The following DGKI variants were observed in gnomAD, a reference collection of about 807,000 sequenced individuals.
DGKI encodes DAG kinase iota.
In DGKI, 55 loss-of-function variants were observed where a neutral mutation model predicts 147.5. The observed-to-expected ratio is 0.37, with a 90% CI of 0.30 to 0.47. The LOEUF is 0.47. Among genes scored for constraint, DGKI ranks in the 20% least tolerant of loss-of-function variants. The pLI is 1.00. For synonymous variants in DGKI, 469 were observed against 477.1 expected, an observed-to-expected ratio of 0.98 and a Z score of 0.22; for missense variants, 1,007 against 1,323.8, an observed-to-expected ratio of 0.76 and a Z score of 3.71.
chr7:137,623,802 A>G (rs1038438386), intron 6 of DGKI, among the ~76,000 whole-genome samples: 6 of 152,196 alleles, frequency 3.9e-5, no homozygotes, highest in Non-Finnish European at 8.8e-5. Context: ...TAGACCACCT[A>G]CTACTCAAAG....
intron 5 of DGKI, among the ~76,000 whole-genome samples, chr7:137,653,158 G>A (rs564864757): frequency 1.6e-4 from 24 of 152,324 alleles, no homozygotes; most frequent in African/African-American, 4.8e-4. Flanking sequence ...GCGCGTGCGC[G>A]CACTTAGCAG....
At chr7:137,444,272 A>G (rs1019645649) in intron 27 of DGKI, among the ~76,000 whole-genome samples, 170 bp from the exon 28 acceptor site, 2 of 152,080 alleles carry the variant, frequency 1.3e-5, no homozygotes, top group Admixed American at 6.6e-5. Context: ...ACAATTCCCA[A>G]CTCTTACCTG....
intron 23 of DGKI, among the ~76,000 whole-genome samples, chr7:137,472,331 A>ATATG (rs1814978354): frequency 3.9e-4 from 1 of 2,556 alleles, no homozygotes; most frequent in African/African-American, 5.5e-4. Context: ...TATTATATGT[A>ATATG]TATATACATA....
intron 17 of DGKI, 91 bp downstream of exon 17, chr7:137,577,130 CA>C: frequency 1.1e-6 from 1 of 871,508 alleles, no homozygotes; most frequent in East Asian, 2.7e-5. Flanking sequence ...CTATGCAGTC[CA>C]GTGATTCAAT....
intron 3 of DGKI, among the ~76,000 whole-genome samples, chr7:137,667,915 C>A (rs1469855824): frequency 6.6e-6 from 1 of 152,154 alleles, no homozygotes; most frequent in Non-Finnish European, 1.5e-5. Context: ...TGCCAGGAGG[C>A]TAGCTGTGTA....
At position 137,384,297 on chromosome 7, in the gene DGKI, G is replaced by A. The variant is rs887737115; in HGVS notation, c.*6923C>T. 4 of 151,904 alleles carry A rather than the reference G, an allele frequency of 2.6e-5. No individual in the cohort carries two copies. Among genetic ancestry groups the A allele is most frequent in the Non-Finnish European group, 5.9e-5 (4 of 67,916 alleles). The allele number at this position is 151,904 out of a possible 1,614,324, so 9.4% of individuals were successfully genotyped here. A position where few individuals can be genotyped will look rare whatever the true frequency, so the allele number is the denominator to read the frequency against. ...TTAGACTTTTCTTTGCTTGAACTAT[G>A]TACAAGCTGACAAGCCTCTCTCCGA... is the stretch of plus-strand genomic sequence containing the variant. On this transcript the variant is annotated 3_prime_UTR_variant, in exon 33 of 33. Transcript: ENST00000614521.
At chr7:137,573,960 G>T (rs116440148) in intron 17 of DGKI, among the ~76,000 whole-genome samples, 1 of 152,332 alleles carries the variant, frequency 6.6e-6, no homozygotes, top group East Asian at 1.9e-4. Flanking sequence ...TGTCAAAGGC[G>T]TAAAGCCTGC....
At chr7:137,698,574 C>A (rs1368961771) in intron 1 of DGKI, among the ~76,000 whole-genome samples, 1 of 152,126 alleles carries the variant, frequency 6.6e-6, no homozygotes, top group Non-Finnish European at 1.5e-5. Context: ...GTGTCAGAGA[C>A]AATACCTCGG....
At chr7:137,793,462 G>A (rs369792219) in intron 1 of DGKI, among the ~76,000 whole-genome samples, 13 of 152,054 alleles carry the variant, frequency 8.5e-5, no homozygotes, top group Non-Finnish European at 1.3e-4. Context: ...CACCATGCCC[G>A]GCTAATTTTT....
At chr7:137,625,216 T>C (rs1820890487) in intron 6 of DGKI, among the ~76,000 whole-genome samples, 1 of 151,948 alleles carries the variant, frequency 6.6e-6, no homozygotes, top group African/African-American at 2.4e-5. Context: ...TCCCAGCACT[T>C]TGGGAGGCTG....
intron 1 of DGKI, among the ~76,000 whole-genome samples, chr7:137,759,827 C>A (rs1795801350): frequency 1.3e-5 from 2 of 152,070 alleles, no homozygotes; most frequent in South Asian, 4.2e-4. Context: ...TCGTCCCTCC[C>A]TCCCTCACAC....
chr7:137,395,457 T>G, intron 32 of DGKI, 141 bp downstream of exon 32: 5 of 681,514 alleles, frequency 7.3e-6, no homozygotes, highest in Non-Finnish European at 1.3e-5. Flanking sequence ...AATGAAGCAC[T>G]CTATTTTTTC....
intron 28 of DGKI, among the ~76,000 whole-genome samples, chr7:137,414,064 AT>A (rs1293930516): frequency 6.6e-6 from 1 of 152,238 alleles, no homozygotes; most frequent in Non-Finnish European, 1.5e-5. Flanking sequence ...GTAGTCTCTC[AT>A]ACAGAGTTAG....
At chr7:137,613,388 T>C (rs963606933) in intron 8 of DGKI, among the ~76,000 whole-genome samples, 1 of 152,042 alleles carries the variant, frequency 6.6e-6, no homozygotes, top group Admixed American at 6.6e-5. Context: ...GAAAACTTAT[T>C]CCAAAAGTTA....
intron 1 of DGKI, among the ~76,000 whole-genome samples, chr7:137,759,526 G>T (rs1795792155): frequency 6.6e-6 from 1 of 151,966 alleles, no homozygotes; most frequent in Admixed American, 6.6e-5. Context: ...ATTTTTAGTA[G>T]AGACGGGGTT....
intron 1 of DGKI, among the ~76,000 whole-genome samples, chr7:137,751,866 C>T (rs971982689): frequency 3.3e-5 from 5 of 151,966 alleles, no homozygotes; most frequent in African/African-American, 1.2e-4. Context: ...TTGCAATCAA[C>T]CTCAGAACCA....
chr7:137,798,829 G>A (rs1797111171), intron 1 of DGKI, among the ~76,000 whole-genome samples: 1 of 152,134 alleles, frequency 6.6e-6, no homozygotes, highest in African/African-American at 2.4e-5. Context: ...CCCTAGGAGT[G>A]CAAGGTTAGT....
chr7:137,405,129 C>T (rs933341765), intron 30 of DGKI, among the ~76,000 whole-genome samples: 3 of 152,152 alleles, frequency 2.0e-5, no homozygotes, highest in African/African-American at 7.2e-5. Flanking sequence ...GCACAGGACT[C>T]ATCATTCATG....
chr7:137,652,018 G>A (rs1160019820), intron 5 of DGKI, among the ~76,000 whole-genome samples: 1 of 152,104 alleles, frequency 6.6e-6, no homozygotes, highest in African/African-American at 2.4e-5. Flanking sequence ...GTGACATACC[G>A]AAAATAATTT....
Sources: gnomAD v4.1 joint callset for allele counts (sites outside exome capture counted in the v4.1 genomes callset) on GRCh38, gnomAD v4.1.1 for gene constraint, MANE v1.5 for transcripts, NCBI Gene and HGNC (gene_info 2026-07-23, HGNC 2026-07-21) for gene names.